The following MAN2A1 variants were observed in gnomAD, a reference collection of about 807,000 sequenced individuals.
MAN2A1 encodes mannosidase alpha class 2A member 1, also known as alpha-mannosidase 2.
MAN2A1 carries 76 observed loss-of-function variants against 142.6 expected under a neutral mutation model. The ratio of observed to expected loss-of-function variants is 0.53; its 90% CI spans 0.44 to 0.65. The LOEUF (loss-of-function observed/expected upper bound fraction) is 0.65. Ranked by LOEUF, MAN2A1 falls within the 30% of genes least tolerant of loss-of-function variation. MAN2A1 has a pLI of 0.00. For synonymous variants in MAN2A1, 559 were observed against 473.2 expected, an observed-to-expected ratio of 1.18 and a Z score of -2.35; for missense variants, 1,311 against 1,365.1, an observed-to-expected ratio of 0.96 and a Z score of 0.62.
chr5:109,706,526 C>A (rs1480183200), intron 1 of MAN2A1, among the ~76,000 whole-genome samples: 1 of 152,170 alleles, frequency 6.6e-6, no homozygotes, highest in Non-Finnish European at 1.5e-5. Flanking sequence ...GATCACATGG[C>A]CAATAAGTGC....
chr5:109,697,773 A>G (rs1457064462), intron 1 of MAN2A1, among the ~76,000 whole-genome samples: 1 of 152,228 alleles, frequency 6.6e-6, no homozygotes, highest in Non-Finnish European at 1.5e-5. Context: ...TATTGGAGGC[A>G]AATAGTATTG....
chr5:109,859,215 G>A (rs1226183602), intron 20 of MAN2A1, among the ~76,000 whole-genome samples: 1 of 152,166 alleles, frequency 6.6e-6, no homozygotes, highest in African/African-American at 2.4e-5. Flanking sequence ...GCTGTGTGTG[G>A]CCTCAGAGGG....
At chr5:109,825,771 G>A (rs1418276934) in intron 16 of MAN2A1, among the ~76,000 whole-genome samples, 2 of 152,042 alleles carry the variant, frequency 1.3e-5, no homozygotes, top group Non-Finnish European at 1.5e-5. Context: ...GCAGGAGCCC[G>A]GGCCACTGAG....
At chr5:109,812,681 G>A (rs1754350604) in intron 12 of MAN2A1, among the ~76,000 whole-genome samples, 1 of 152,038 alleles carries the variant, frequency 6.6e-6, no homozygotes, top group Admixed American at 6.5e-5. Flanking sequence ...TTGTAATATT[G>A]AATGTGCCAT....
chr5:109,731,058 CTTTTTG>C (rs1357438011), intron 4 of MAN2A1, among the ~76,000 whole-genome samples: 2 of 151,964 alleles, frequency 1.3e-5, no homozygotes, highest in Non-Finnish European at 2.9e-5. Context: ...TCCTTCTCAT[CTTTTTG>C]TTTTTAATAT....
intron 12 of MAN2A1, among the ~76,000 whole-genome samples, chr5:109,800,406 CA>C (rs1247275178): frequency 5.9e-5 from 9 of 152,056 alleles, no homozygotes; most frequent in African/African-American, 2.2e-4. Flanking sequence ...TGGTGCCTAG[CA>C]AATCTTTAAG....
Position 109,731,520 on chromosome 5 carries a change from C to T in MAN2A1, c.707+2007C>T, listed in dbSNP as rs1363649403. ...ATGCTATCCCTCCCCCCTCCCCCAACCCCACAACAGTCCCCAGAGTGTGAT... is the reference window on the plus strand; with the variant it reads ...ATGCTATCCCTCCCCCCTCCCCCAATCCCACAACAGTCCCCAGAGTGTGAT... On this transcript the variant is annotated intron_variant, in intron 4 of 21. Coordinates refer to ENST00000261483, the MANE Select transcript of MAN2A1 (RefSeq NM_002372.4). 5.0e-4 allele frequency among the ~76,000 whole-genome samples: 51 copies of T among 101,716 alleles called. 1 individual carries two copies. Among genetic ancestry groups the T allele is most frequent in the African/African-American group, 1.8e-3 (48 of 26,072 alleles). The allele number at this position is 101,716 out of a possible 152,430, so 66.7% of individuals were successfully genotyped here.
At chr5:109,720,883 C>A (rs925531191) in intron 3 of MAN2A1, among the ~76,000 whole-genome samples, 1 of 152,142 alleles carries the variant, frequency 6.6e-6, no homozygotes, top group Non-Finnish European at 1.5e-5. Context: ...AGAAGTTGTA[C>A]GTGAACACTG....
intron 12 of MAN2A1, among the ~76,000 whole-genome samples, chr5:109,791,623 C>G (rs911602824): frequency 6.6e-6 from 1 of 151,544 alleles, no homozygotes; most frequent in African/African-American, 2.4e-5. Flanking sequence ...ACCATGCATT[C>G]TCGATGGGGG....
chr5:109,757,864 A>G (rs773623396), intron 5 of MAN2A1, among the ~76,000 whole-genome samples: 6 of 152,158 alleles, frequency 3.9e-5, no homozygotes, highest in African/African-American at 1.4e-4. Flanking sequence ...ATTATAGCAT[A>G]TATCAGTGCT....
intron 3 of MAN2A1, among the ~76,000 whole-genome samples, chr5:109,726,311 T>C (rs546725895): frequency 6.6e-6 from 1 of 152,322 alleles, no homozygotes; most frequent in South Asian, 2.1e-4. Flanking sequence ...TACAGTAATT[T>C]AGAAAACGAA....
At chr5:109,826,774 A>C (rs948690442) in intron 16 of MAN2A1, among the ~76,000 whole-genome samples, 1 of 152,234 alleles carries the variant, frequency 6.6e-6, no homozygotes, top group Non-Finnish European at 1.5e-5. Context: ...AAGGGTGATC[A>C]GTCTTCAGGG....
chr5:109,715,779 A>G (rs567807049), intron 2 of MAN2A1, among the ~76,000 whole-genome samples: 117 of 152,306 alleles, frequency 7.7e-4, no homozygotes, highest in Non-Finnish European at 1.0e-3. Context: ...GGTCATAATC[A>G]AATTTCATCA....
At chr5:109,808,490 A>G (rs1754231776) in intron 12 of MAN2A1, among the ~76,000 whole-genome samples, 1 of 152,030 alleles carries the variant, frequency 6.6e-6, no homozygotes, top group African/African-American at 2.4e-5. Flanking sequence ...ATTTTCTTGT[A>G]TTTAAAAAAT....
intron 13 of MAN2A1, among the ~76,000 whole-genome samples, chr5:109,818,911 G>T (rs1404141978): frequency 6.6e-6 from 1 of 152,154 alleles, no homozygotes; most frequent in Non-Finnish European, 1.5e-5. Context: ...CTTGGTATCT[G>T]TAGAGGACTG....
intron 4 of MAN2A1, among the ~76,000 whole-genome samples, chr5:109,754,631 C>T (rs968566852): frequency 1.3e-5 from 2 of 152,214 alleles, no homozygotes; most frequent in African/African-American, 4.8e-5. Context: ...CTTAAAGTGA[C>T]AGCCCTCCAA....
intron 1 of MAN2A1, among the ~76,000 whole-genome samples, chr5:109,702,608 T>G (rs1034791105): frequency 6.6e-6 from 1 of 152,136 alleles, no homozygotes; most frequent in African/African-American, 2.4e-5. Flanking sequence ...CTGGAAAATT[T>G]GTAGGGTCAA....
chr5:109,816,119 G>A (rs1475078863), intron 12 of MAN2A1, among the ~76,000 whole-genome samples: 2 of 152,198 alleles, frequency 1.3e-5, no homozygotes, highest in African/African-American at 4.8e-5. Flanking sequence ...GTCTGGCAGA[G>A]TTATGCTAGT....
At position 109,817,307 on chromosome 5, in the gene MAN2A1, C is replaced by T. The variant is rs752080926; in HGVS notation, c.1978C>T (p.Arg660Ter). 5.0e-6 allele frequency: 8 copies of T among 1,613,918 alleles called. No homozygotes were observed. The highest frequency in any genetic ancestry group is 6.8e-6 in the Non-Finnish European group (8 of 1,179,960). The change falls in exon 13 of 22, where the codon CGA (arginine) becomes TGA (stop). Residue 660 changes from arginine (R) to a stop codon, truncating the protein, a stop_gained. Coordinates refer to ENST00000261483, the MANE Select transcript of MAN2A1 (RefSeq NM_002372.4). LOFTEE classifies it high-confidence loss of function. Reference sequence around the variant, plus strand: ...GGTCTATAATCCTTTAGAACAAGACCGAATCTCGTTGGTCTCAGTCTATGT... The same window carrying T: ...GGTCTATAATCCTTTAGAACAAGACTGAATCTCGTTGGTCTCAGTCTATGT... ...LVVYNPLEQD[R>*]ISLVSVYVSS...
Sources: gnomAD v4.1 joint callset for allele counts (sites outside exome capture counted in the v4.1 genomes callset) on GRCh38, gnomAD v4.1.1 for gene constraint, MANE v1.5 for transcripts, NCBI Gene and HGNC (gene_info 2026-07-23, HGNC 2026-07-21) for gene names.